The following CDH18 variants were observed in gnomAD, a reference collection of about 807,000 sequenced individuals.
CDH18 encodes the protein cadherin-18.
CDH18 carries 31 observed loss-of-function variants against 67.9 expected under a neutral mutation model. The observed-to-expected ratio is 0.46, with a 90% CI of 0.34 to 0.62. The LOEUF (loss-of-function observed/expected upper bound fraction) is 0.62. CDH18 is among the 20% of genes least tolerant of loss of function. CDH18 has a pLI of 0.01. For missense variants in CDH18, 890 were observed against 975.5 expected (o/e 0.91, Z 1.17); for synonymous variants, 362 against 347.2 (o/e 1.04, Z -0.48).
chr5:19,775,995 A>G (rs1774317245), intron 3 of CDH18, among the ~76,000 whole-genome samples: 1 of 152,172 alleles, frequency 6.6e-6, no homozygotes, highest in Non-Finnish European at 1.5e-5. Flanking sequence ...ACAAAAATGC[A>G]GATGTACAAT....
intron 1 of CDH18, among the ~76,000 whole-genome samples, chr5:20,570,424 G>A (rs557441779): frequency 9.1e-4 from 138 of 151,908 alleles, no homozygotes; most frequent in African/African-American, 3.1e-3. Context: ...AACAATGTTC[G>A]CTATACATAA....
At chr5:20,032,795 A>G (rs1024460620) in intron 2 of CDH18, among the ~76,000 whole-genome samples, 1 of 152,006 alleles carries the variant, frequency 6.6e-6, no homozygotes, top group Non-Finnish European at 1.5e-5. Context: ...AAAAATAATA[A>G]GTTGTTGTTG....
chr5:20,320,606 CT>C (rs1737919499), intron 1 of CDH18, among the ~76,000 whole-genome samples: 1 of 152,202 alleles, frequency 6.6e-6, no homozygotes, highest in Non-Finnish European at 1.5e-5. Context: ...ACATCATTAT[CT>C]CACTCACTGC....
intron 5 of CDH18, among the ~76,000 whole-genome samples, chr5:19,693,755 A>G (rs6451408): frequency 0.97 from 146,928 of 152,116 alleles, 71,154 homozygotes; most frequent in Middle Eastern, 1. Context: ...AAATTAGCTC[A>G]GCATAGGGTG....
intron 1 of CDH18, among the ~76,000 whole-genome samples, chr5:20,537,812 TG>T (rs1292403612): frequency 6.6e-6 from 1 of 152,188 alleles, no homozygotes; most frequent in East Asian, 1.9e-4. Context: ...TTTCTATCTT[TG>T]GGAAATGTAC....
intron 1 of CDH18, among the ~76,000 whole-genome samples, chr5:20,450,076 ACATGTAATCCCAG>A (rs977383666): frequency 6.6e-6 from 1 of 151,960 alleles, no homozygotes; most frequent in African/African-American, 2.4e-5. Context: ...AGTGGCTTAC[ACATGTAATCCCAG>A]CACTTTGGGA....
At position 19,994,855 on chromosome 5, in the gene CDH18, T is replaced by TATATAGAG. The variant is rs760777430; in HGVS notation, c.-517-2842_-517-2841insCTCTATAT. On this transcript the variant is annotated intron_variant, in intron 2 of 14. Coordinates refer to the CDH18 transcript ENST00000507958. Reference sequence around the variant, plus strand: ...ATATATATATATATATATATATATATAGAGAGAGAGAGAGAGAGAGAGATG... The same window carrying TATATAGAG: ...ATATATATATATATATATATATATATATATAGAGAGAGAGAGAGAGAGAGAGAGAGATG... 1.9e-3 allele frequency among the ~76,000 whole-genome samples: 128 copies of TATATAGAG among 67,582 alleles called. 14 individuals are homozygous for TATATAGAG. Among genetic ancestry groups the TATATAGAG allele is most frequent in the East Asian group, 3.2e-3 (6 of 1,870 alleles). 44.3% of individuals were successfully genotyped at this position (67,582 alleles called of 152,430 possible). A position where few individuals can be genotyped will look rare whatever the true frequency, so the allele number is the denominator to read the frequency against.
chr5:19,562,617 TA>T (rs71662339), intron 8 of CDH18, among the ~76,000 whole-genome samples: 3,981 of 152,284 alleles, frequency 0.026, 133 homozygotes, highest in East Asian at 0.087. Flanking sequence ...AAAAATATTT[TA>T]AAATCTGGCT....
chr5:19,900,260 G>A (rs983352357), intron 2 of CDH18, among the ~76,000 whole-genome samples: 1 of 151,826 alleles, frequency 6.6e-6, no homozygotes, highest in Non-Finnish European at 1.5e-5. Flanking sequence ...AGAGAGGGAG[G>A]GAAGTGATTT....
chr5:19,916,490 C>A (rs1791808112), intron 2 of CDH18, among the ~76,000 whole-genome samples: 2 of 152,166 alleles, frequency 1.3e-5, no homozygotes, highest in Non-Finnish European at 2.9e-5. Context: ...TCATCCTCCT[C>A]TTCCTTCTCC....
rs572138189 is a variant in CDH18 at position 19,539,077 on chromosome 5, C to T, written c.1390+4792G>A. 5.9e-5 allele frequency among the ~76,000 whole-genome samples: 9 copies of T among 152,238 alleles called. No homozygotes were observed. The East Asian group carries it at 7.7e-4, about 13-fold the overall frequency. On this transcript the variant is annotated intron_variant, in intron 9 of 12. Coordinates refer to ENST00000382275, the MANE Select transcript of CDH18 (RefSeq NM_004934.5). ...ATGACATTAACAGGCAATTAAGCCA[C>T]GGAATCGGTGCATGCATTTCATTTC... is the stretch of plus-strand genomic sequence containing the variant.
Position 19,849,916 on chromosome 5 carries a change from T to C in CDH18, c.-256-10674A>G, listed in dbSNP as rs924784921. Among the ~76,000 whole-genome samples, 5 of 151,792 alleles carry C rather than the reference T, an allele frequency of 3.3e-5. 1 individual carries two copies. The highest frequency in any genetic ancestry group is 4.8e-5 in the African/African-American group (2 of 41,448). On this transcript the variant is annotated intron_variant, in intron 2 of 12. Transcript: ENST00000382275. The stretch of plus-strand genomic sequence containing the variant: ...TTTTTGAGTTGAAGATACTAAGATA[T>C]AGCATTGAAGTCATTTGTCTCAGAT...
At position 19,475,866 on chromosome 5, in the gene CDH18, C is replaced by T. The variant is rs574464338; in HGVS notation, c.1883-2150G>A. Among the ~76,000 whole-genome samples, 4 of 152,084 alleles carry T rather than the reference C, an allele frequency of 2.6e-5. No homozygotes were observed. The East Asian group carries it at 5.8e-4, about 22-fold the overall frequency. On this transcript the variant is annotated intron_variant, in intron 12 of 12. Transcript: ENST00000382275. Reference sequence around the variant, plus strand: ...ACTCTGATAAAGAACATACTTTCCCCCCAGAAACTGCCCTTTTACTGCTTA... The same window carrying T: ...ACTCTGATAAAGAACATACTTTCCCTCCAGAAACTGCCCTTTTACTGCTTA...
chr5:20,475,461 G>A (rs1219886296), intron 1 of CDH18, among the ~76,000 whole-genome samples: 3 of 152,078 alleles, frequency 2.0e-5, no homozygotes, highest in Non-Finnish European at 4.4e-5. Flanking sequence ...AGATGTAAAT[G>A]ATCAAATTTG....
At chr5:20,364,574 T>G (rs556021226) in intron 1 of CDH18, among the ~76,000 whole-genome samples, 1 of 152,292 alleles carries the variant, frequency 6.6e-6, no homozygotes, top group African/African-American at 2.4e-5. Flanking sequence ...TCAATTATAT[T>G]CAATTCAATT....
At chr5:19,511,312 G>A (rs1365701603) in intron 10 of CDH18, among the ~76,000 whole-genome samples, 1 of 151,968 alleles carries the variant, frequency 6.6e-6, no homozygotes, top group Non-Finnish European at 1.5e-5. Context: ...GTTCTTAATA[G>A]TATGAAAACA....
At chr5:19,930,926 A>G (rs1268038896) in intron 2 of CDH18, among the ~76,000 whole-genome samples, 2 of 152,070 alleles carry the variant, frequency 1.3e-5, no homozygotes, top group Non-Finnish European at 2.9e-5. Flanking sequence ...ATTAAGAATT[A>G]TAAGTCCTTA....
chr5:19,614,470 G>A (rs1452515348), intron 5 of CDH18, among the ~76,000 whole-genome samples: 4 of 151,598 alleles, frequency 2.6e-5, no homozygotes, highest in African/African-American at 7.3e-5. Context: ...TTTATCTTAC[G>A]ATAATTACAT....
chr5:19,642,210 C>A (rs1256063167), intron 5 of CDH18, among the ~76,000 whole-genome samples: 1 of 151,580 alleles, frequency 6.6e-6, no homozygotes, highest in Non-Finnish European at 1.5e-5. Flanking sequence ...CAGCATATAC[C>A]CACGGATTAG....
Sources: allele counts gnomAD v4.1 joint callset (sites outside exome capture counted in the v4.1 genomes callset), GRCh38; gene constraint gnomAD v4.1.1; transcripts MANE v1.5; gene names NCBI Gene and HGNC (gene_info 2026-07-23, HGNC 2026-07-21).